Variants in MYO5B observed in about 807,000 individuals in gnomAD.
MYO5B encodes myosin VB, also known as unconventional myosin-Vb.
Under a neutral mutation model 229.3 loss-of-function variants are expected in MYO5B, and 143 were observed. The observed-to-expected ratio is 0.62, with a 90% CI of 0.54 to 0.72. The LOEUF (loss-of-function observed/expected upper bound fraction) is 0.72. Among genes scored for constraint, MYO5B ranks in the 30% least tolerant of loss-of-function variants. MYO5B has a pLI of 0.00. For missense variants in MYO5B, 2,321 were observed against 2,331.0 expected, an observed-to-expected ratio of 1.00 and a Z score of 0.09; for synonymous variants, 918 against 885.2, an observed-to-expected ratio of 1.04 and a Z score of -0.66.
At chr18:50,150,698 G>A (rs1478570845) in intron 1 of MYO5B, among the ~76,000 whole-genome samples, 2 of 152,178 alleles carry the variant, frequency 1.3e-5, no homozygotes, top group Non-Finnish European at 2.9e-5. Context: ...TTGGGGGAGT[G>A]GGGAGGGATA....
intron 1 of MYO5B, among the ~76,000 whole-genome samples, chr18:50,076,468 A>G (rs2031080757): frequency 1.3e-5 from 2 of 152,324 alleles, no homozygotes; most frequent in African/African-American, 2.4e-5. Context: ...TCACACAGCC[A>G]TGGCAGCCAC....
In MYO5B at chr18:49,872,237, A is replaced by G. The variant is rs930445483; in HGVS notation, c.3538-5T>C. The stretch of plus-strand genomic sequence containing the variant: ...GTCAGTCTGTGGTGGTTCCGCCTGC[A>G]TGGATAGAGACACAAAGATAAGTGC... On this transcript the variant is annotated splice_polypyrimidine_tract_variant and splice_region_variant and intron_variant, in intron 26 of 39. Coordinates refer to ENST00000285039, the MANE Select transcript of MYO5B (RefSeq NM_001080467.3). 1 of 1,614,032 alleles carries G rather than the reference A, an allele frequency of 6.2e-7. No individual in the cohort carries two copies. The highest frequency in any genetic ancestry group is 8.5e-7 in the Non-Finnish European group (1 of 1,179,894).
chr18:49,987,329 A>G (rs8088632), intron 7 of MYO5B, among the ~76,000 whole-genome samples: 125,933 of 152,036 alleles, frequency 0.83, 53,637 homozygotes, highest in East Asian at 0.99. Context: ...CAACTCCGTC[A>G]TATCACTCTC....
intron 5 of MYO5B, among the ~76,000 whole-genome samples, chr18:49,994,467 T>TA (rs1352888034): frequency 3.3e-5 from 5 of 152,234 alleles, no homozygotes; most frequent in Admixed American, 3.3e-4. Flanking sequence ...TTAAAGTGTA[T>TA]AAAGCAATCT....
chr18:50,148,060 A>C lies in MYO5B; in HGVS notation c.27+46707T>G, dbSNP rs557954848. 4.7e-3 allele frequency among the ~76,000 whole-genome samples: 703 copies of C among 150,562 alleles called. 5 individuals are homozygous for C. The highest frequency in any genetic ancestry group is 0.03 in the South Asian group (139 of 4,574). ...ATCAGAGAATACTACAAACACCTCT[A>C]TGCAAATAAACTAGAAAATCTAGAA... On this transcript the variant is annotated intron_variant, in intron 1 of 39. Coordinates refer to ENST00000285039, the MANE Select transcript of MYO5B (RefSeq NM_001080467.3).
At chr18:50,073,331 A>G (rs74526939) in intron 1 of MYO5B, among the ~76,000 whole-genome samples, 4,005 of 152,264 alleles carry the variant, frequency 0.026, 89 homozygotes, top group South Asian at 0.056. Context: ...CAAAATAAGA[A>G]AAGCCAAGGA....
intron 1 of MYO5B, among the ~76,000 whole-genome samples, chr18:50,187,494 A>C: frequency 6.6e-6 from 1 of 152,036 alleles, no homozygotes; most frequent in Admixed American, 6.5e-5. Context: ...CATTCTACAA[A>C]ATTATTGAGA....
chr18:50,194,642 C>A (rs1170691149), intron 1 of MYO5B, 125 bp downstream of exon 1: 2 of 648,262 alleles, frequency 3.1e-6, no homozygotes, highest in Non-Finnish European at 5.2e-6. Flanking sequence ...GAGGAGGACA[C>A]CGCGGAGGGG....
intron 10 of MYO5B, among the ~76,000 whole-genome samples, chr18:49,964,776 A>G (rs1461738500): frequency 6.6e-6 from 1 of 152,146 alleles, no homozygotes; most frequent in African/African-American, 2.4e-5. Flanking sequence ...AGCGCTTTGT[A>G]TCTTAGAATA....
intron 7 of MYO5B, among the ~76,000 whole-genome samples, chr18:49,987,836 G>T (rs2025887148): frequency 6.6e-6 from 1 of 152,232 alleles, no homozygotes; most frequent in African/African-American, 2.4e-5. Flanking sequence ...GTATCTGGAA[G>T]GCAGAGATGG....
intron 8 of MYO5B, among the ~76,000 whole-genome samples, chr18:49,981,948 G>A (rs2025820254): frequency 6.6e-6 from 1 of 152,140 alleles, no homozygotes; most frequent in South Asian, 2.1e-4. Context: ...TAAAACACTG[G>A]GGTTTTTTGT....
chr18:50,023,827 A>G (rs2026302608), intron 4 of MYO5B, among the ~76,000 whole-genome samples: 1 of 152,156 alleles, frequency 6.6e-6, no homozygotes, highest in African/African-American at 2.4e-5. Flanking sequence ...CGGAGACACT[A>G]GAAGTTTCCA....
At chr18:50,098,029 C>A (rs1185420816) in intron 1 of MYO5B, among the ~76,000 whole-genome samples, 1 of 152,216 alleles carries the variant, frequency 6.6e-6, no homozygotes, top group East Asian at 1.9e-4. Context: ...ACAAGAATGA[C>A]CAACTTCTCA....
At chr18:49,978,661 G>A (rs1195194658) in intron 9 of MYO5B, among the ~76,000 whole-genome samples, 1 of 149,376 alleles carries the variant, frequency 6.7e-6, no homozygotes, top group African/African-American at 2.5e-5. Flanking sequence ...AGAGTTTGGA[G>A]TGTCACAAAG....
At chr18:50,044,905 A>T (rs761253998) in intron 2 of MYO5B, among the ~76,000 whole-genome samples, 29 of 151,724 alleles carry the variant, frequency 1.9e-4, no homozygotes, top group Non-Finnish European at 3.7e-4. Flanking sequence ...AGGGGGGAAA[A>T]AGGAGGGAGA....
At chr18:50,017,324 C>T (rs1204235414) in intron 4 of MYO5B, among the ~76,000 whole-genome samples, 1 of 152,034 alleles carries the variant, frequency 6.6e-6, no homozygotes, top group African/African-American at 2.4e-5. Flanking sequence ...GGGGTTTCAC[C>T]ATGTTAGCCA....
intron 1 of MYO5B, among the ~76,000 whole-genome samples, chr18:50,192,740 C>A (rs1293098218): frequency 6.6e-6 from 1 of 152,190 alleles, no homozygotes; most frequent in African/African-American, 2.4e-5. Flanking sequence ...AACTAAATGA[C>A]CTGCATCTTT....
chr18:50,192,075 G>GA lies in MYO5B; in HGVS notation c.27+2691dup, dbSNP rs33915528. On this transcript the variant is annotated intron_variant, in intron 1 of 39. Transcript: ENST00000285039. ...GCAGACCATCCACACCCATTTGAGAGAAAAAAAAAAAAAATGTAGCTTGTT... is the reference window on the plus strand; with the variant it reads ...GCAGACCATCCACACCCATTTGAGAGAAAAAAAAAAAAAAATGTAGCTTGTT... 3.4e-4 allele frequency among the ~76,000 whole-genome samples: 51 copies of GA among 149,220 alleles called. No individual in the cohort carries two copies. In the East Asian group the frequency reaches 3.7e-3, roughly 11 times the overall value.
At chr18:49,937,615 C>T (rs573900762) in intron 14 of MYO5B, among the ~76,000 whole-genome samples, 2 of 152,264 alleles carry the variant, frequency 1.3e-5, no homozygotes, top group Admixed American at 6.5e-5. Context: ...TGTGGTACCT[C>T]CATACAATGG....
Sources: allele counts gnomAD v4.1 joint callset (sites outside exome capture counted in the v4.1 genomes callset), GRCh38; gene constraint gnomAD v4.1.1; transcripts MANE v1.5; gene names NCBI Gene and HGNC (gene_info 2026-07-23, HGNC 2026-07-21).